Variants in RALGAPA2 observed in about 807,000 individuals in gnomAD.
RALGAPA2 encodes the protein Ral GTPase activating protein catalytic subunit alpha 2.
A neutral mutation model predicts 230.4 loss-of-function variants in RALGAPA2; 139 were observed. The observed-to-expected ratio is 0.60, with a 90% CI of 0.53 to 0.69. The LOEUF is 0.69. Among genes scored for constraint, RALGAPA2 ranks in the 30% least tolerant of loss-of-function variants. RALGAPA2 has a pLI of 0.00. For missense variants in RALGAPA2, 2,163 were observed against 2,276.0 expected (o/e 0.95, Z 1.01); for synonymous variants, 847 against 837.8 (o/e 1.01, Z -0.19).
chr20:20,574,009 A>T (rs1488334349), intron 20 of RALGAPA2, among the ~76,000 whole-genome samples: 1 of 152,192 alleles, frequency 6.6e-6, no homozygotes, highest in Non-Finnish European at 1.5e-5. Flanking sequence ...TAAACTGAAG[A>T]AAGAAACTGT....
At chr20:20,660,160 G>A (rs982343248) in intron 3 of RALGAPA2, among the ~76,000 whole-genome samples, 14 of 151,908 alleles carry the variant, frequency 9.2e-5, no homozygotes, top group African/African-American at 2.9e-4. Flanking sequence ...CCTGGGAGGC[G>A]GAGGTTGCGG....
intron 37 of RALGAPA2, among the ~76,000 whole-genome samples, chr20:20,433,936 A>G (rs186233253): frequency 1.5e-3 from 234 of 152,370 alleles, no homozygotes; most frequent in African/African-American, 5.5e-3. Context: ...ATAGTAAAGT[A>G]TACTTAACAG....
rs530466828 is a variant in RALGAPA2, at chr20:20,657,719, A to C, written c.271-4132T>G. Among the ~76,000 whole-genome samples, 8 of 152,200 alleles carry C rather than the reference A, an allele frequency of 5.3e-5. No homozygotes were observed. The South Asian group carries it at 1.7e-3, about 32-fold the overall frequency. On this transcript the variant is annotated intron_variant, in intron 3 of 39. Coordinates refer to ENST00000202677, the MANE Select transcript of RALGAPA2 (RefSeq NM_020343.4). ...AACTTGGTGTCCTATTATCTCACGC[A>C]TTCTCCTTTAAGGGACCTGGCAGCC... is the stretch of plus-strand genomic sequence containing the variant.
intron 37 of RALGAPA2, among the ~76,000 whole-genome samples, chr20:20,461,074 A>G (rs1056817713): frequency 1.3e-5 from 2 of 152,248 alleles, no homozygotes; most frequent in South Asian, 4.1e-4. Flanking sequence ...TGCATTTGAC[A>G]AAATTATAGA....
At chr20:20,701,053 T>G (rs2069338920) in intron 1 of RALGAPA2, among the ~76,000 whole-genome samples, 1 of 152,228 alleles carries the variant, frequency 6.6e-6, no homozygotes, top group African/African-American at 2.4e-5. Flanking sequence ...CTGGTATGCC[T>G]AGTGCTATGC....
chr20:20,615,463 A>G (rs1464513549), intron 13 of RALGAPA2, among the ~76,000 whole-genome samples: 1 of 152,120 alleles, frequency 6.6e-6, no homozygotes, highest in South Asian at 2.1e-4. Context: ...CACCTGGCTG[A>G]TAACTTTCAA....
intron 5 of RALGAPA2, among the ~76,000 whole-genome samples, chr20:20,642,193 T>C (rs1441047481): frequency 7.2e-6 from 1 of 139,612 alleles, no homozygotes; most frequent in East Asian, 2.3e-4. Flanking sequence ...GAAGGCTCTA[T>C]GTATATCTTT....
At chr20:20,528,666 C>T (rs1049236146) in intron 27 of RALGAPA2, among the ~76,000 whole-genome samples, 2 of 152,162 alleles carry the variant, frequency 1.3e-5, no homozygotes, top group Admixed American at 6.5e-5. Flanking sequence ...CCATCTGCTA[C>T]CCCACCATAA....
chr20:20,527,270 G>C (rs1459918881), intron 27 of RALGAPA2, among the ~76,000 whole-genome samples: 1 of 152,144 alleles, frequency 6.6e-6, no homozygotes, highest in African/African-American at 2.4e-5. Flanking sequence ...ATAAGGGAAA[G>C]GTTTTTAATT....
intron 18 of RALGAPA2, 138 bp downstream of exon 18, chr20:20,589,130 T>G: frequency 8.4e-7 from 1 of 1,196,012 alleles, no homozygotes; most frequent in Non-Finnish European, 1.1e-6. Flanking sequence ...TTAAAAGATC[T>G]CAACATCATT....
At chr20:20,605,454 T>G (rs1300050548) in intron 14 of RALGAPA2, 42 bp from the exon 15 acceptor site, 1 of 1,415,762 alleles carries the variant, frequency 7.1e-7, no homozygotes, top group Non-Finnish European at 9.9e-7. Context: ...ACATCTTCAT[T>G]TGGAAAAAGC....
chr20:20,707,710 G>T (rs927493837), intron 1 of RALGAPA2, among the ~76,000 whole-genome samples: 1 of 152,078 alleles, frequency 6.6e-6, no homozygotes, highest in Non-Finnish European at 1.5e-5. Flanking sequence ...CAGGTCACTT[G>T]ATTTGACCTG....
chr20:20,638,882 G>A (rs1401737073), intron 7 of RALGAPA2, among the ~76,000 whole-genome samples: 1 of 152,214 alleles, frequency 6.6e-6, no homozygotes, highest in Non-Finnish European at 1.5e-5. Flanking sequence ...TGAATCTTGA[G>A]AGACAGCAGA....
chr20:20,405,557 CACTGAGGAGAGTAAA>C (rs2059927791), intron 38 of RALGAPA2, among the ~76,000 whole-genome samples: 13 of 152,238 alleles, frequency 8.5e-5, no homozygotes, highest in Admixed American at 2.0e-4. Context: ...CCAGAGCTGA[CACTGAGGAGAGTAAA>C]AAAGTTTTAA....
intron 23 of RALGAPA2, among the ~76,000 whole-genome samples, chr20:20,563,101 T>C (rs1290050927): frequency 6.6e-6 from 1 of 152,224 alleles, no homozygotes; most frequent in Non-Finnish European, 1.5e-5. Flanking sequence ...ACAGGAATTA[T>C]GATTAACTTA....
At chr20:20,665,935 C>T (rs1354809843) in intron 3 of RALGAPA2, among the ~76,000 whole-genome samples, 2 of 152,224 alleles carry the variant, frequency 1.3e-5, no homozygotes, top group African/African-American at 4.8e-5. Context: ...CCACCTGGCC[C>T]TCTACTGTGA....
At chr20:20,517,358 C>T (rs1005877103) in intron 31 of RALGAPA2, among the ~76,000 whole-genome samples, 4 of 152,114 alleles carry the variant, frequency 2.6e-5, no homozygotes, top group African/African-American at 4.8e-5. Flanking sequence ...CAATCTTCAC[C>T]CTGATAAAAC....
At chr20:20,466,133 T>TG (rs2061417131) in intron 37 of RALGAPA2, among the ~76,000 whole-genome samples, 4 of 152,210 alleles carry the variant, frequency 2.6e-5, no homozygotes, top group African/African-American at 4.8e-5. Context: ...GGAGGGACTG[T>TG]GGTGACCGTG....
At chr20:20,530,220 T>C (rs993714198) in intron 27 of RALGAPA2, among the ~76,000 whole-genome samples, 1 of 152,090 alleles carries the variant, frequency 6.6e-6, no homozygotes, top group Non-Finnish European at 1.5e-5. Flanking sequence ...GAAGTGGAGG[T>C]GGCACTGACA....
Sources: allele counts gnomAD v4.1 joint callset (sites outside exome capture counted in the v4.1 genomes callset), GRCh38; gene constraint gnomAD v4.1.1; transcripts MANE v1.5; gene names NCBI Gene and HGNC (gene_info 2026-07-23, HGNC 2026-07-21).